Variants in LVRN observed in about 807,000 individuals in gnomAD.
LVRN encodes laeverin.
A neutral mutation model predicts 111.4 loss-of-function variants in LVRN; 99 were observed. The ratio of observed to expected loss-of-function variants is 0.89; its 90% CI spans 0.76 to 1.05. The LOEUF (loss-of-function observed/expected upper bound fraction) is 1.05. Among genes scored for constraint, LVRN ranks in the 50% least tolerant of loss-of-function variants. The pLI, the probability that LVRN is intolerant of heterozygous loss-of-function variation, is 0.00. For missense variants in LVRN, 1,414 were observed against 1,206.8 expected (o/e 1.17, Z -2.54); for synonymous variants, 488 against 449.5 (o/e 1.09, Z -1.08).
chr5:115,971,244 A>G (rs1753318518), intron 1 of LVRN, among the ~76,000 whole-genome samples: 1 of 151,124 alleles, frequency 6.6e-6, no homozygotes, highest in African/African-American at 2.4e-5. Flanking sequence ...ATCTTTTCTC[A>G]AATACATGAT....
At position 116,026,573 on chromosome 5, in the gene LVRN, AT is replaced by A. The variant is rs1278670957; in HGVS notation, c.*456del. ...ACTAATGAGAAGATAACATGACAAT[AT>A]AAAAAGACAGAAACTCAAAAAGTAT... On this transcript the variant is annotated 3_prime_UTR_variant, in exon 20 of 20. Coordinates refer to ENST00000357872, the MANE Select transcript of LVRN (RefSeq NM_173800.5). 5.6e-6 allele frequency: 1 copy of A among 177,524 alleles called. No individual in the cohort carries two copies. The highest frequency in any genetic ancestry group is 1.2e-5 in the Non-Finnish European group (1 of 85,428). The allele number at this position is 177,524 out of a possible 1,614,324, so 11.0% of individuals were successfully genotyped here.
In LVRN at chr5:116,003,321, G is replaced by C; in HGVS notation, c.1978G>C (p.Val660Leu). The C allele has an allele frequency of 6.5e-7, 1 of 1,538,880 alleles. No individual in the cohort carries two copies. Among genetic ancestry groups the C allele is most frequent in the East Asian group, 2.3e-5 (1 of 43,154 alleles). ...TTTGAATATGACTGGATATTATAGA[G>C]TTAATTATGATAAATTAGGTTGGAA... Reference protein sequence around the residue: ...LNLNMTGYYRVNYDKLGWKKL... With the variant: ...LNLNMTGYYRLNYDKLGWKKL... Residue 660 changes from valine to leucine, a missense_variant, in exon 12 of 20, where the codon GTT (valine) becomes CTT (leucine). Val to Leu is a conservative substitution (Grantham distance 32, BLOSUM62 1). Coordinates refer to ENST00000357872, the MANE Select transcript of LVRN (RefSeq NM_173800.5).
intron 15 of LVRN, among the ~76,000 whole-genome samples, chr5:116,013,119 G>A (rs17138656): frequency 0.14 from 20,692 of 152,034 alleles, 1,498 homozygotes; most frequent in East Asian, 0.22. Context: ...AGCCAATAAC[G>A]GTATAGGGAT....
intron 6 of LVRN, among the ~76,000 whole-genome samples, chr5:115,995,985 T>C (rs920597392): frequency 9.9e-5 from 15 of 152,056 alleles, no homozygotes; most frequent in Non-Finnish European, 1.9e-4. Context: ...TTTATCTGCA[T>C]ACAGTATGTG....
chr5:116,001,443 A>G (rs1002728786), intron 10 of LVRN, among the ~76,000 whole-genome samples: 4 of 152,072 alleles, frequency 2.6e-5, no homozygotes, highest in Non-Finnish European at 2.9e-5. Context: ...CAGTGCCCCT[A>G]CCCTGGGATT....
chr5:115,978,755 G>T (rs745436075), intron 1 of LVRN, among the ~76,000 whole-genome samples: 23 of 151,942 alleles, frequency 1.5e-4, no homozygotes, highest in African/African-American at 5.3e-4. Flanking sequence ...TTTACCTCAC[G>T]TTTCTACTCT....
chr5:116,009,534 C>G (rs147747946), intron 13 of LVRN, among the ~76,000 whole-genome samples: 26 of 152,228 alleles, frequency 1.7e-4, no homozygotes, highest in African/African-American at 6.3e-4. Flanking sequence ...AGGGATTCAT[C>G]ATTCCAAATG....
intron 1 of LVRN, among the ~76,000 whole-genome samples, chr5:115,979,319 C>T (rs989095447): frequency 6.6e-6 from 1 of 152,164 alleles, no homozygotes; most frequent in African/African-American, 2.4e-5. Flanking sequence ...TTCTAAGCCT[C>T]TCAGCCTCAG....
chr5:115,969,791 C>G (rs1353443195), intron 1 of LVRN, among the ~76,000 whole-genome samples: 2 of 112,436 alleles, frequency 1.8e-5, no homozygotes, highest in Non-Finnish European at 3.6e-5. Flanking sequence ...CAGAGCGAGA[C>G]TCGATCTCAA....
chr5:115,972,479 T>TA (rs982929385), intron 1 of LVRN, among the ~76,000 whole-genome samples: 6 of 151,464 alleles, frequency 4.0e-5, no homozygotes, highest in Non-Finnish European at 8.8e-5. Flanking sequence ...TCTTTTTATT[T>TA]AAAAAAAAGC....
rs1257795232 is a variant in LVRN, at chr5:116,015,349, A to G, written c.2548A>G (p.Thr850Ala). The G allele has an allele frequency of 1.2e-6, 2 of 1,611,762 alleles. No individual in the cohort carries two copies. The highest frequency in any genetic ancestry group is 1.7e-6 in the Non-Finnish European group (2 of 1,179,378). ...DILLNTYTNTTNKEEKIQLAY... is the reference protein window; with the variant it reads ...DILLNTYTNTANKEEKIQLAY... ...CTTGTTAAATACTTACACTAATACA[A>G]CAAACAAAGAAGAAAAGATTCAACT... Residue 850 changes from threonine to alanine, a missense_variant, in exon 17 of 20, where the codon ACA (threonine) becomes GCA (alanine). Thr to Ala is a moderately conservative substitution (Grantham distance 58, BLOSUM62 0). Coordinates refer to ENST00000357872, the MANE Select transcript of LVRN (RefSeq NM_173800.5).
chr5:115,975,328 T>C (rs1479580017), intron 1 of LVRN: 31 of 298,232 alleles, frequency 1.0e-4, no homozygotes, highest in Non-Finnish European at 3.8e-5. Context: ...ATCCAGTCTT[T>C]TGGGAGTTGC....
chr5:115,981,747 A>G (rs1753564775), intron 1 of LVRN, among the ~76,000 whole-genome samples: 1 of 152,122 alleles, frequency 6.6e-6, no homozygotes, highest in African/African-American at 2.4e-5. Context: ...ACTTTTAAAG[A>G]TGCATCTGTA....
At chr5:115,995,516 A>G (rs1326350286) in intron 6 of LVRN, 4 of 152,242 alleles carry the variant, frequency 2.6e-5, no homozygotes, top group Non-Finnish European at 5.9e-5. Context: ...ACGTCATTAT[A>G]TAGATCAGGA....
At chr5:116,025,738 A>G (rs1255170488) in intron 19 of LVRN, among the ~76,000 whole-genome samples, 1 of 152,192 alleles carries the variant, frequency 6.6e-6, no homozygotes, top group Admixed American at 6.5e-5. Context: ...GGAATAAGGC[A>G]TAGTTTCTGC....
At position 115,987,666 on chromosome 5, in the gene LVRN, A is replaced by G. The variant is rs371390966; in HGVS notation, c.979-147A>G. The G allele has an allele frequency of 2.7e-4, 239 of 892,518 alleles. 2 individuals carry two copies. The East Asian group carries it at 4.7e-3, about 17-fold the overall frequency. 55.3% of individuals were successfully genotyped at this position (892,518 alleles called of 1,614,324 possible). A position where few individuals can be genotyped will look rare whatever the true frequency, so the allele number is the denominator to read the frequency against. On this transcript the variant is annotated intron_variant, in intron 3 of 19. Coordinates refer to ENST00000357872, the MANE Select transcript of LVRN (RefSeq NM_173800.5). ...AACAGCCTTCAGGGGTTTTCTCAGG[A>G]CATGTAAGCATGCAAGCATTTTATT...
At chr5:115,975,282 A>G (rs1301958872) in intron 1 of LVRN, 2 of 382,824 alleles carry the variant, frequency 5.2e-6, no homozygotes, top group South Asian at 2.4e-5. Context: ...AGTAGGTTAC[A>G]CTTCTCAGGC....
Position 116,026,179 on chromosome 5 carries a change from T to A in LVRN, c.*61T>A. 6.2e-7 allele frequency: 1 copy of A among 1,603,336 alleles called. No individual in the cohort carries two copies. The highest frequency in any genetic ancestry group is 8.5e-7 in the Non-Finnish European group (1 of 1,173,794). Reference sequence around the variant, plus strand: ...ATAATGTAGTTTGTTCACAGTTTTGTCTTCCAATACTTTGTGAGTCTGGAA... The same window carrying A: ...ATAATGTAGTTTGTTCACAGTTTTGACTTCCAATACTTTGTGAGTCTGGAA... On this transcript the variant is annotated 3_prime_UTR_variant, in exon 20 of 20. Coordinates refer to ENST00000357872, the MANE Select transcript of LVRN (RefSeq NM_173800.5).
intron 18 of LVRN, among the ~76,000 whole-genome samples, chr5:116,019,451 AC>A (rs1748668011): frequency 6.6e-6 from 1 of 151,830 alleles, no homozygotes; most frequent in African/African-American, 2.4e-5. Flanking sequence ...AACAGGGTTC[AC>A]TCTTGGTGTT....
Sources: allele counts gnomAD v4.1 joint callset (sites outside exome capture counted in the v4.1 genomes callset), GRCh38; gene constraint gnomAD v4.1.1; transcripts MANE v1.5; gene names NCBI Gene and HGNC (gene_info 2026-07-23, HGNC 2026-07-21).